COP1: variants seen among roughly 807,000 people sequenced by gnomAD.
COP1 encodes COP1 E3 ubiquitin ligase, also known as E3 ubiquitin-protein ligase COP1.
A neutral mutation model predicts 101.3 loss-of-function variants in COP1; 24 were observed. The observed-to-expected ratio is 0.24, with a 90% CI of 0.17 to 0.33. The LOEUF (loss-of-function observed/expected upper bound fraction) is 0.33, where lower values mean the gene tolerates loss of function less well. Ranked by LOEUF, COP1 falls within the 10% of genes least tolerant of loss-of-function variation. The pLI, the probability that COP1 is intolerant of heterozygous loss-of-function variation, is 1.00. For synonymous variants in COP1, 347 were observed against 341.9 expected (o/e 1.01, Z -0.17); for missense variants, 663 against 906.2 (o/e 0.73, Z 3.45).
At chr1:176,203,485 T>C (rs1010033859) in intron 1 of COP1, among the ~76,000 whole-genome samples, 5 of 152,210 alleles carry the variant, frequency 3.3e-5, no homozygotes, top group East Asian at 1.9e-4. Flanking sequence ...GCAGTAGTTA[T>C]AGAATTGTTT....
chr1:175,969,072 T>C (rs916552952), intron 18 of COP1, among the ~76,000 whole-genome samples: 1 of 152,196 alleles, frequency 6.6e-6, no homozygotes, highest in African/African-American at 2.4e-5. Context: ...CAGACTACTC[T>C]GGTAAAGCTG....
At chr1:176,082,869 G>A (rs1035535377) in intron 10 of COP1, among the ~76,000 whole-genome samples, 6 of 152,026 alleles carry the variant, frequency 3.9e-5, no homozygotes, top group African/African-American at 1.4e-4. Context: ...AGGAAACTGA[G>A]TGAGCTTTTG....
intron 9 of COP1, among the ~76,000 whole-genome samples, chr1:176,107,770 C>T (rs1684566732): frequency 6.6e-6 from 1 of 152,122 alleles, no homozygotes; most frequent in South Asian, 2.1e-4. Flanking sequence ...AGCACTGAGA[C>T]AAATAGATAC....
At chr1:176,199,124 C>G (rs192760234) in intron 1 of COP1, among the ~76,000 whole-genome samples, 1 of 151,914 alleles carries the variant, frequency 6.6e-6, no homozygotes, top group Non-Finnish European at 1.5e-5. Context: ...GAGACCAACC[C>G]GGCCAACACA....
At chr1:176,001,712 A>C (rs541970411) in intron 15 of COP1, among the ~76,000 whole-genome samples, 5 of 152,188 alleles carry the variant, frequency 3.3e-5, no homozygotes, top group African/African-American at 1.2e-4. Context: ...TACTTTGTGG[A>C]CTTACATTAC....
At position 176,134,938 on chromosome 1, in the gene COP1, C is replaced by A. The variant is rs568530187; in HGVS notation, c.968+72G>T. On this transcript the variant is annotated intron_variant, in intron 8 of 19. Transcript: ENST00000367669. ...GGTTTCATACACTGCATGGAAAAGG[C>A]TCCTAAAGGACTAGACCATATGCAT... is the stretch of plus-strand genomic sequence containing the variant. 9 of 1,105,212 alleles carry A rather than the reference C, an allele frequency of 8.1e-6. No homozygotes were observed. The African/African-American group carries it at 1.3e-4, about 15-fold the overall frequency. The allele number at this position is 1,105,212 out of a possible 1,614,324, so 68.5% of individuals were successfully genotyped here.
chr1:176,190,870 T>C lies in COP1; in HGVS notation c.408-6178A>G, dbSNP rs192816852. On this transcript the variant is annotated intron_variant, in intron 1 of 19. Transcript: ENST00000367669. The stretch of plus-strand genomic sequence containing the variant: ...ATAAAATGTGTCAACTGTCTTATAG[T>C]AGTACTGGTTCCAACTAAAAAAAAA... 1.5e-3 allele frequency among the ~76,000 whole-genome samples: 221 copies of C among 152,008 alleles called. 2 individuals carry two copies. Among genetic ancestry groups the C allele is most frequent in the African/African-American group, 5.0e-3 (207 of 41,456 alleles).
intron 11 of COP1, among the ~76,000 whole-genome samples, chr1:176,067,344 G>A (rs1199330197): frequency 6.6e-6 from 1 of 152,074 alleles, no homozygotes; most frequent in Non-Finnish European, 1.5e-5. Context: ...CTCAAATGTT[G>A]CATTTTCCAA....
rs1277573064 is a variant in COP1 at position 176,130,576 on chromosome 1, AC to A, written c.968+4433del. Among the ~76,000 whole-genome samples the A allele has an allele frequency of 8.6e-5, 13 of 151,900 alleles. No homozygotes were observed. The East Asian group carries it at 2.3e-3, about 27-fold the overall frequency. ...TTCAACTGATATATTTTTTTAAAAA[AC>A]ATACCTCACCTCAATGAAGCATGGC... is the stretch of plus-strand genomic sequence containing the variant. On this transcript the variant is annotated intron_variant, in intron 8 of 19. Transcript: ENST00000367669.
In COP1 at chr1:175,991,664, C is replaced by G. The variant is rs192097500; in HGVS notation, c.1730-2185G>C. Among the ~76,000 whole-genome samples, 456 of 152,256 alleles carry G rather than the reference C, an allele frequency of 3.0e-3. 2 individuals carry two copies. Among genetic ancestry groups the G allele is most frequent in the African/African-American group, 0.01 (429 of 41,564 alleles). On this transcript the variant is annotated intron_variant, in intron 15 of 19. Transcript: ENST00000367669. ...AGCTTAAAACACATACATTGTACAG[C>G]TGGACAAAAGTATTTCCTTTTTACA... is the stretch of plus-strand genomic sequence containing the variant.
intron 15 of COP1, among the ~76,000 whole-genome samples, chr1:176,012,920 AGCAACACGTGATT>A (rs1664937822): frequency 6.6e-6 from 1 of 152,138 alleles, no homozygotes; most frequent in Non-Finnish European, 1.5e-5. Flanking sequence ...CCCATCCTTG[AGCAACACGTGATT>A]GCATTATGTA....
At chr1:176,007,397 T>C (rs1193531916) in intron 15 of COP1, among the ~76,000 whole-genome samples, 2 of 152,368 alleles carry the variant, frequency 1.3e-5, no homozygotes, top group Admixed American at 1.3e-4. Flanking sequence ...GGAACTGCGT[T>C]CCTTTGGAGG....
At chr1:176,002,964 G>C (rs1662115202) in intron 15 of COP1, among the ~76,000 whole-genome samples, 1 of 149,504 alleles carries the variant, frequency 6.7e-6, no homozygotes, top group South Asian at 2.2e-4. Flanking sequence ...CTAGTTTACA[G>C]TCCCACCAAC....
chr1:176,109,615 CT>C (rs1209753641), intron 9 of COP1, among the ~76,000 whole-genome samples: 1 of 152,012 alleles, frequency 6.6e-6, no homozygotes, highest in Non-Finnish European at 1.5e-5. Flanking sequence ...ACTGGGATTT[CT>C]TTTAAATTGG....
intron 10 of COP1, among the ~76,000 whole-genome samples, chr1:176,085,052 G>A (rs996794754): frequency 2.0e-5 from 3 of 152,072 alleles, no homozygotes; most frequent in African/African-American, 4.8e-5. Context: ...TTAAGAAAAA[G>A]AGGAAAAACT....
intron 11 of COP1, among the ~76,000 whole-genome samples, chr1:176,074,675 T>A (rs1223182115): frequency 6.6e-6 from 1 of 152,022 alleles, no homozygotes; most frequent in South Asian, 2.1e-4. Context: ...AATGTCAGTA[T>A]GATTAGGGTT....
intron 18 of COP1, among the ~76,000 whole-genome samples, chr1:175,953,795 A>G (rs1354709074): frequency 6.6e-6 from 1 of 151,932 alleles, no homozygotes; most frequent in African/African-American, 2.4e-5. Context: ...ATATACATAT[A>G]TATCTAAAAC....
intron 18 of COP1, among the ~76,000 whole-genome samples, chr1:175,963,498 A>T (rs1651639502): frequency 6.6e-6 from 1 of 152,136 alleles, no homozygotes; most frequent in Admixed American, 6.5e-5. Context: ...TCCCTTATTT[A>T]GCTGTGTAAT....
intron 18 of COP1, among the ~76,000 whole-genome samples, chr1:175,958,906 C>T (rs942224691): frequency 2.6e-5 from 4 of 151,864 alleles, no homozygotes; most frequent in African/African-American, 4.8e-5. Context: ...GAAATAATTT[C>T]GTATTACACA....
Sources: gnomAD v4.1 joint callset for allele counts (sites outside exome capture counted in the v4.1 genomes callset) on GRCh38, gnomAD v4.1.1 for gene constraint, MANE v1.5 for transcripts, NCBI Gene and HGNC (gene_info 2026-07-23, HGNC 2026-07-21) for gene names.